Variants in SYT6 observed in about 807,000 individuals in gnomAD.
SYT6 encodes synaptotagmin 6.
In SYT6, 24 loss-of-function variants were observed where a neutral mutation model predicts 38.4. That is an observed-to-expected ratio of 0.62 (90% CI 0.45 to 0.88). SYT6 has a LOEUF of 0.88. Ranked by LOEUF, SYT6 falls within the 40% of genes least tolerant of loss-of-function variation. The pLI, the probability that SYT6 is intolerant of heterozygous loss-of-function variation, is 0.00. For synonymous variants in SYT6, 265 were observed against 241.9 expected (o/e 1.10, Z -0.89); for missense variants, 611 against 621.0 (o/e 0.98, Z 0.17).
At chr1:114,129,580 C>CT (rs1390328308) in intron 3 of SYT6, among the ~76,000 whole-genome samples, 1 of 96,380 alleles carries the variant, frequency 1.0e-5, no homozygotes, top group Admixed American at 1.2e-4. Flanking sequence ...TTCTTTCTTT[C>CT]TTTCTTTCTT....
intron 3 of SYT6, among the ~76,000 whole-genome samples, chr1:114,105,295 C>T (rs112100245): frequency 6.7e-6 from 1 of 148,778 alleles, no homozygotes; most frequent in Admixed American, 6.8e-5. Context: ...CCTGGAGACT[C>T]CTACAGCCCT....
At chr1:114,121,831 T>C (rs561747311) in intron 3 of SYT6, among the ~76,000 whole-genome samples, 7 of 148,896 alleles carry the variant, frequency 4.7e-5, no homozygotes, top group Non-Finnish European at 7.4e-5. Context: ...TTAGTTATTG[T>C]TGTTGTTAGA....
Position 114,091,462 on chromosome 1 carries a change from T to G in SYT6, c.*672A>C, listed in dbSNP as rs1250182601. 1 of 152,342 alleles carries G rather than the reference T, an allele frequency of 6.6e-6. No homozygotes were observed. The highest frequency in any genetic ancestry group is 1.9e-4 in the East Asian group (1 of 5,308). 9.4% of individuals were successfully genotyped at this position (152,342 alleles called of 1,614,324 possible). On this transcript the variant is annotated 3_prime_UTR_variant, in exon 8 of 8. Coordinates refer to ENST00000610222, the MANE Select transcript of SYT6 (RefSeq NM_001253772.2). Reference sequence around the variant, plus strand: ...CACAAGCGCCTCAGAGGTCTTGTGATTTCAACACGGGACTGAGGGTCCCAG... The same window carrying G: ...CACAAGCGCCTCAGAGGTCTTGTGAGTTCAACACGGGACTGAGGGTCCCAG...
chr1:114,138,582 T>G (rs1269864474), intron 2 of SYT6, among the ~76,000 whole-genome samples: 1 of 152,208 alleles, frequency 6.6e-6, no homozygotes, highest in African/African-American at 2.4e-5. Flanking sequence ...AGCTGAGATC[T>G]TGGGAAAGTT....
At chr1:114,136,708 C>G (rs1341585051) in intron 3 of SYT6, among the ~76,000 whole-genome samples, 3 of 152,176 alleles carry the variant, frequency 2.0e-5, no homozygotes, top group Non-Finnish European at 4.4e-5. Context: ...TTAGTCAGGT[C>G]TCCTTTTGGG....
At position 114,093,656 on chromosome 1, in the gene SYT6, C is replaced by T. The variant is rs571509581; in HGVS notation, c.*51+79G>A. On this transcript the variant is annotated intron_variant, in intron 7 of 7. Transcript: ENST00000610222. Reference sequence around the variant, plus strand: ...CCACTCCATCCTGCTGCTATCTCAGCATCTGGCCACACTAGGGGAAGAAGG... The same window carrying T: ...CCACTCCATCCTGCTGCTATCTCAGTATCTGGCCACACTAGGGGAAGAAGG... 730 of 1,364,646 alleles carry T rather than the reference C, an allele frequency of 5.3e-4. 6 individuals carry two copies. The South Asian group carries it at 6.2e-3, about 12-fold the overall frequency. The allele number at this position is 1,364,646 out of a possible 1,614,324, so 84.5% of individuals were successfully genotyped here. A position where few individuals can be genotyped will look rare whatever the true frequency, so the allele number is the denominator to read the frequency against.
At chr1:114,104,168 C>T (rs1676136268) in intron 3 of SYT6, among the ~76,000 whole-genome samples, 1 of 152,222 alleles carries the variant, frequency 6.6e-6, no homozygotes, top group South Asian at 2.1e-4. Context: ...ATGCTCTAGA[C>T]TTCAGCTGTC....
At chr1:114,153,567 G>A (rs2101142771) in intron 1 of SYT6, 43 bp downstream of exon 1, 1 of 579,294 alleles carries the variant, frequency 1.7e-6, no homozygotes, top group East Asian at 3.3e-5. Flanking sequence ...GAGATCGCAG[G>A]ACGGATATCC....
chr1:114,145,502 G>GTTGTTTGTTTTTTTTTTTTT (rs1679109157), intron 1 of SYT6, among the ~76,000 whole-genome samples: 1 of 111,610 alleles, frequency 9.0e-6, no homozygotes, highest in African/African-American at 3.7e-5. Flanking sequence ...GAGGTATTAA[G>GTTGTTTGTTTTTTTTTTTTT]TTTTTTTTTT....
At chr1:114,105,151 C>G (rs1298590184) in intron 3 of SYT6, among the ~76,000 whole-genome samples, 3 of 152,094 alleles carry the variant, frequency 2.0e-5, no homozygotes, top group African/African-American at 7.2e-5. Flanking sequence ...TATAAAATGA[C>G]CAGCAGGAGG....
intron 1 of SYT6, among the ~76,000 whole-genome samples, chr1:114,149,789 C>T (rs977801803): frequency 7.2e-5 from 11 of 152,010 alleles, no homozygotes; most frequent in African/African-American, 2.4e-4. Flanking sequence ...CCTGTTTGTA[C>T]CTGCAACTAG....
At chr1:114,121,317 C>T (rs1009518927) in intron 3 of SYT6, among the ~76,000 whole-genome samples, 1 of 152,318 alleles carries the variant, frequency 6.6e-6, no homozygotes, top group Non-Finnish European at 1.5e-5. Flanking sequence ...CTGCACACCT[C>T]GCACTCTCCT....
At chr1:114,119,343 C>T (rs1677231859) in intron 3 of SYT6, among the ~76,000 whole-genome samples, 1 of 152,166 alleles carries the variant, frequency 6.6e-6, no homozygotes, top group South Asian at 2.1e-4. Context: ...GGCCAGGGTT[C>T]AGGGCTCCAG....
chr1:114,138,908 G>C (rs1231888755), intron 2 of SYT6, among the ~76,000 whole-genome samples: 5 of 152,196 alleles, frequency 3.3e-5, no homozygotes, highest in African/African-American at 1.2e-4. Flanking sequence ...CCAGTCTGAA[G>C]ACCAGGCCTC....
intron 1 of SYT6, among the ~76,000 whole-genome samples, chr1:114,146,778 C>T (rs540929236): frequency 5.3e-5 from 8 of 152,336 alleles, no homozygotes; most frequent in Non-Finnish European, 8.8e-5. Flanking sequence ...GCCTCACTAA[C>T]AGTCTACCTC....
intron 3 of SYT6, among the ~76,000 whole-genome samples, chr1:114,135,082 G>T (rs1571883424): frequency 6.6e-6 from 1 of 152,168 alleles, no homozygotes; most frequent in East Asian, 1.9e-4. Flanking sequence ...GAGGGTGGCA[G>T]GGGACTCACT....
intron 3 of SYT6, among the ~76,000 whole-genome samples, chr1:114,110,068 C>T (rs574009317): frequency 6.6e-6 from 1 of 152,312 alleles, no homozygotes; most frequent in African/African-American, 2.4e-5. Context: ...GCCAGCCTTG[C>T]CTGCCTCTTA....
intron 3 of SYT6, among the ~76,000 whole-genome samples, chr1:114,135,393 CA>C (rs1678416176): frequency 6.6e-6 from 1 of 152,146 alleles, no homozygotes; most frequent in African/African-American, 2.4e-5. Context: ...TCTGTAATTA[CA>C]TGACAAGTTT....
chr1:114,094,079 GTCTTTCT>G (rs1450688722), intron 6 of SYT6, among the ~76,000 whole-genome samples: 1 of 152,178 alleles, frequency 6.6e-6, no homozygotes, highest in Non-Finnish European at 1.5e-5. Flanking sequence ...TACACAGAGT[GTCTTTCT>G]TCCTTTATGT....
Sources: gnomAD v4.1 joint callset for allele counts (sites outside exome capture counted in the v4.1 genomes callset) on GRCh38, gnomAD v4.1.1 for gene constraint, MANE v1.5 for transcripts, NCBI Gene and HGNC (gene_info 2026-07-23, HGNC 2026-07-21) for gene names.